LIPC: variants seen among roughly 807,000 people sequenced by gnomAD.
LIPC encodes the protein hepatic triacylglycerol lipase.
Under a neutral mutation model 50.7 loss-of-function variants are expected in LIPC, and 44 were observed. That is an observed-to-expected ratio of 0.87 (90% CI 0.68 to 1.11). LIPC has a LOEUF of 1.11. LIPC is among the 50% of genes most tolerant of loss of function. The pLI is 0.00. For missense variants in LIPC, 697 were observed against 648.2 expected, an observed-to-expected ratio of 1.08 and a Z score of -0.82; for synonymous variants, 271 against 256.4, an observed-to-expected ratio of 1.06 and a Z score of -0.54.
intron 1 of LIPC, among the ~76,000 whole-genome samples, chr15:58,450,748 T>C (rs1893870826): frequency 6.6e-6 from 1 of 152,132 alleles, no homozygotes; most frequent in African/African-American, 2.4e-5. Flanking sequence ...TTGCTAACTT[T>C]ATTGAGTGAA....
In LIPC at chr15:58,547,539, T is replaced by A. The variant is rs1256320874; in HGVS notation, c.809-791T>A. Among the ~76,000 whole-genome samples the A allele has an allele frequency of 2.0e-5, 3 of 152,062 alleles. No individual in the cohort carries two copies. In the East Asian group the frequency reaches 5.8e-4, roughly 29 times the overall value. ...GCTTTTGGCAAAGTCACCTGTGCTG[T>A]CCCTTTACAGCAAGTGTTTCACATA... is the stretch of plus-strand genomic sequence containing the variant. On this transcript the variant is annotated intron_variant, in intron 5 of 8. Transcript: ENST00000299022.
chr15:58,474,742 G>C (rs1393177360), intron 1 of LIPC, among the ~76,000 whole-genome samples: 1 of 152,056 alleles, frequency 6.6e-6, no homozygotes, highest in Non-Finnish European at 1.5e-5. Context: ...CTCTGCCCAG[G>C]GTGAGCATCC....
At chr15:58,547,110 G>C (rs552305338) in intron 5 of LIPC, among the ~76,000 whole-genome samples, 1 of 152,284 alleles carries the variant, frequency 6.6e-6, no homozygotes, top group African/African-American at 2.4e-5. Flanking sequence ...ATTACCATTT[G>C]CTCTTTTGTG....
At chr15:58,498,902 G>A (rs769014889) in intron 1 of LIPC, among the ~76,000 whole-genome samples, 1 of 152,190 alleles carries the variant, frequency 6.6e-6, no homozygotes, top group Non-Finnish European at 1.5e-5. Context: ...GATACATGAG[G>A]GGGTTGTTTA....
rs147796632 is a variant in LIPC at position 58,477,510 on chromosome 15, G to C, written c.88+45390G>C. Among the ~76,000 whole-genome samples the C allele has an allele frequency of 3.3e-5, 5 of 152,298 alleles. No individual in the cohort carries two copies. In the East Asian group the frequency reaches 9.7e-4, roughly 29 times the overall value. On this transcript the variant is annotated intron_variant, in intron 1 of 8. Coordinates refer to ENST00000299022, the MANE Select transcript of LIPC (RefSeq NM_000236.3). ...AAGCAATTTTGAAGTCTAATCATTT[G>C]GAGGGAAAATATTTGTCATGTCATT... is the stretch of plus-strand genomic sequence containing the variant.
At chr15:58,556,443 G>A (rs536153049) in intron 6 of LIPC, among the ~76,000 whole-genome samples, 2 of 152,170 alleles carry the variant, frequency 1.3e-5, no homozygotes, top group African/African-American at 4.8e-5. Context: ...TTTTCCAATA[G>A]GATTCCAATT....
chr15:58,541,756 G>A, intron 2 of LIPC, 29 bp from the exon 3 acceptor site: 1 of 1,608,516 alleles, frequency 6.2e-7, no homozygotes, highest in Non-Finnish European at 8.5e-7. Flanking sequence ...AAGGAAACTA[G>A]TGCGACCCTC....
At chr15:58,536,250 G>A (rs1435547541) in intron 1 of LIPC, among the ~76,000 whole-genome samples, 13 of 152,100 alleles carry the variant, frequency 8.5e-5, no homozygotes, top group African/African-American at 2.2e-4. Context: ...CAAAGGTACC[G>A]GCATCCAAAA....
chr15:58,502,172 G>T (rs190229372), intron 1 of LIPC, among the ~76,000 whole-genome samples: 1 of 152,160 alleles, frequency 6.6e-6, no homozygotes, highest in Non-Finnish European at 1.5e-5. Flanking sequence ...GGCACACCAT[G>T]ACATCTTCTC....
chr15:58,446,029 A>G (rs1211343442), intron 1 of LIPC, among the ~76,000 whole-genome samples: 1 of 152,202 alleles, frequency 6.6e-6, no homozygotes, highest in African/African-American at 2.4e-5. Context: ...GATAGACTCA[A>G]TAACTGTTTG....
chr15:58,450,709 G>A (rs1893869822), intron 1 of LIPC, among the ~76,000 whole-genome samples: 1 of 152,154 alleles, frequency 6.6e-6, no homozygotes, highest in African/African-American at 2.4e-5. Flanking sequence ...AAGGTACTGA[G>A]TAGGTCACAG....
In LIPC at chr15:58,563,507, G is replaced by A; in HGVS notation, c.1172G>A (p.Gly391Asp). Residue 391 changes from glycine (G) to aspartate (D), a missense_variant and splice_region_variant, in exon 8 of 9, where the codon GGC becomes GAC. Gly to Asp is a moderately conservative substitution (Grantham distance 94). Transcript: ENST00000299022. ...EKMQKIPITLGKGIASNKTYS... is the reference protein window; with the variant it reads ...EKMQKIPITLDKGIASNKTYS... ...CTGATTTTCTTTGTGTATTCAAGGG[G>A]CAAAGGAATTGCTAGTAATAAAACG... The A allele has an allele frequency of 6.2e-7, 1 of 1,612,766 alleles. No individual in the cohort carries two copies. The highest frequency in any genetic ancestry group is 1.1e-5 in the South Asian group (1 of 91,046).
At chr15:58,564,345 C>T (rs1181677215) in intron 8 of LIPC, among the ~76,000 whole-genome samples, 3 of 151,938 alleles carry the variant, frequency 2.0e-5, no homozygotes, top group Admixed American at 6.6e-5. Flanking sequence ...ATGGGTCACC[C>T]GAAAGAAATG....
At chr15:58,506,490 C>T (rs1465417934) in intron 1 of LIPC, among the ~76,000 whole-genome samples, 1 of 152,184 alleles carries the variant, frequency 6.6e-6, no homozygotes, top group African/African-American at 2.4e-5. Flanking sequence ...TGAGAAGGCA[C>T]AGCAAAGGTG....
At chr15:58,456,956 T>C (rs4775051) in intron 1 of LIPC, among the ~76,000 whole-genome samples, 41 of 151,954 alleles carry the variant, frequency 2.7e-4, no homozygotes, top group Non-Finnish European at 2.2e-4. Context: ...TCAAGTGGCA[T>C]ACCCAGGGAA....
chr15:58,507,177 A>C (rs1465419685), intron 1 of LIPC, among the ~76,000 whole-genome samples: 6 of 152,220 alleles, frequency 3.9e-5, no homozygotes, highest in African/African-American at 1.4e-4. Context: ...GGAGTGGGGA[A>C]ACCAGGAGAA....
intron 2 of LIPC, among the ~76,000 whole-genome samples, chr15:58,540,483 G>T (rs372553022): frequency 2.0e-4 from 31 of 152,302 alleles, no homozygotes; most frequent in African/African-American, 7.5e-4. Context: ...AGGTTACTCA[G>T]CTAGAAACTA....
chr15:58,440,365 A>C (rs2140640707), intron 1 of LIPC, among the ~76,000 whole-genome samples: 1 of 152,294 alleles, frequency 6.6e-6, no homozygotes, highest in South Asian at 2.1e-4. Flanking sequence ...ACTGCCAAAA[A>C]CTTTCCAGTG....
At chr15:58,439,577 G>A (rs763507526) in intron 1 of LIPC, among the ~76,000 whole-genome samples, 11 of 152,098 alleles carry the variant, frequency 7.2e-5, no homozygotes, top group Non-Finnish European at 1.3e-4. Flanking sequence ...CTGAGTAGCC[G>A]CGATTACAGA....
Sources: allele counts gnomAD v4.1 joint callset (sites outside exome capture counted in the v4.1 genomes callset), GRCh38; gene constraint gnomAD v4.1.1; transcripts MANE v1.5; gene names NCBI Gene and HGNC (gene_info 2026-07-23, HGNC 2026-07-21).